The following COL4A6 variants were observed in gnomAD, a reference collection of about 807,000 sequenced individuals.
The protein encoded by COL4A6 is collagen type IV alpha 6 chain, also known as collagen alpha-6(IV) chain.
A neutral mutation model predicts 126.7 loss-of-function variants in COL4A6; 59 were observed. That is an observed-to-expected ratio of 0.47 (90% CI 0.38 to 0.58). COL4A6 has a LOEUF of 0.58. COL4A6 is among the 20% of genes least tolerant of loss of function. The pLI, the probability that COL4A6 is intolerant of heterozygous loss-of-function variation, is 0.00. For synonymous variants in COL4A6, 547 were observed against 496.6 expected (o/e 1.10, Z -1.35); for missense variants, 1,285 against 1,337.3 (o/e 0.96, Z 0.61).
intron 3 of COL4A6, chrX:108,268,330 TA>T (rs1357443799): frequency 8.9e-6 from 1 of 112,655 alleles, no homozygotes; most frequent in Non-Finnish European, 1.9e-5. Context: ...TAATAATGAC[TA>T]ATATTTATTT....
intron 3 of COL4A6, among the ~76,000 whole-genome samples, chrX:108,306,567 C>T (rs901971846): frequency 5.4e-5 from 6 of 111,559 alleles, no homozygotes; most frequent in African/African-American, 1.6e-4. Context: ...ACAGGGAATG[C>T]CAGATGTTTG....
intron 3 of COL4A6, among the ~76,000 whole-genome samples, chrX:108,284,169 T>C (rs149501317): frequency 0.011 from 1,211 of 111,932 alleles, 18 homozygotes; most frequent in African/African-American, 0.036. Flanking sequence ...AGCTGAATTA[T>C]TCTTTTTTAT....
intron 2 of COL4A6, among the ~76,000 whole-genome samples, chrX:108,346,158 C>A (rs376331870): frequency 5.5e-4 from 61 of 111,477 alleles, no homozygotes; most frequent in African/African-American, 1.9e-3. Flanking sequence ...TACTGCCTTC[C>A]CCTTGGAGAA....
At chrX:108,403,076 T>G (rs1603218090) in intron 2 of COL4A6, among the ~76,000 whole-genome samples, 2 of 111,452 alleles carry the variant, frequency 1.8e-5, no homozygotes, top group African/African-American at 6.5e-5. Flanking sequence ...TATTTTCTTC[T>G]TGCATTGCAT....
intron 3 of COL4A6, among the ~76,000 whole-genome samples, chrX:108,279,409 T>A (rs780948380): frequency 3.6e-5 from 4 of 111,425 alleles, no homozygotes; most frequent in African/African-American, 6.5e-5. Context: ...CCATTACATA[T>A]TGGTAAAGGG....
chrX:108,190,505 A>G lies in COL4A6; in HGVS notation c.1322-9T>C, dbSNP rs750766709. On this transcript the variant is annotated splice_polypyrimidine_tract_variant and intron_variant, in intron 19 of 44. Coordinates refer to ENST00000334504, the MANE Select transcript of COL4A6 (RefSeq NM_033641.4). ...AGTCTCAAATTCTGGACCTTTGGGT[A>G]AAAAAAAGATAAAGGATTAGCAACT... The G allele has an allele frequency of 9.1e-7, 1 of 1,096,832 alleles. No homozygotes were observed. The highest frequency in any genetic ancestry group is 1.8e-5 in the African/African-American group (1 of 54,358). The allele number at this position is 1,096,832 out of a possible 1,213,427, so 90.4% of individuals were successfully genotyped here. A position where few individuals can be genotyped will look rare whatever the true frequency, so the allele number is the denominator to read the frequency against.
intron 2 of COL4A6, among the ~76,000 whole-genome samples, chrX:108,400,102 A>G (rs1442412122): frequency 9.0e-6 from 1 of 111,496 alleles, no homozygotes; most frequent in African/African-American, 3.3e-5. Flanking sequence ...AGGTTTGTAG[A>G]GATTATTATT....
At chrX:108,396,131 A>G (rs1320614721) in intron 2 of COL4A6, among the ~76,000 whole-genome samples, 1 of 111,666 alleles carries the variant, frequency 9.0e-6, no homozygotes, top group Admixed American at 9.5e-5. Context: ...AATTATATAG[A>G]ATTATTAATT....
intron 2 of COL4A6, among the ~76,000 whole-genome samples, chrX:108,341,873 T>C (rs901230811): frequency 4.5e-5 from 5 of 112,024 alleles, no homozygotes; most frequent in Non-Finnish European, 1.9e-5. Context: ...TAAAACACAT[T>C]AGATAAGACT....
intron 3 of COL4A6, among the ~76,000 whole-genome samples, chrX:108,300,452 CAA>C (rs1215071457): frequency 9.5e-6 from 1 of 104,718 alleles, no homozygotes; most frequent in East Asian, 3.1e-4. Flanking sequence ...GCAGAAAAAA[CAA>C]AGTTTCCATT....
intron 6 of COL4A6, among the ~76,000 whole-genome samples, chrX:108,212,121 G>T (rs768767208): frequency 1.8e-5 from 2 of 110,988 alleles, no homozygotes; most frequent in African/African-American, 3.3e-5. Flanking sequence ...TAGGACAGAG[G>T]TTAGTAAAAT....
At chrX:108,400,127 G>A (rs891873013) in intron 2 of COL4A6, among the ~76,000 whole-genome samples, 2 of 111,611 alleles carry the variant, frequency 1.8e-5, no homozygotes, top group Non-Finnish European at 3.8e-5. Flanking sequence ...AGGAAAAAAT[G>A]TCTTTAGACA....
At chrX:108,255,028 C>T (rs1419191361) in intron 3 of COL4A6, among the ~76,000 whole-genome samples, 2 of 108,501 alleles carry the variant, frequency 1.8e-5, no homozygotes, top group Admixed American at 1.0e-4. Flanking sequence ...GTGAACTCTG[C>T]CCAAGTTTTG....
intron 2 of COL4A6, among the ~76,000 whole-genome samples, chrX:108,377,941 C>CAAAAAAAAAAAAAAAAAAAAAAAAAAAA (rs745969449): frequency 1.4e-4 from 1 of 7,233 alleles, no homozygotes; most frequent in African/African-American, 3.8e-4. Context: ...GACTCCGTCT[C>CAAAAAAAAAAAAAAAAAAAAAAAAAAAA]AAAAAAAAAA....
At chrX:108,294,138 A>C (rs1363472622) in intron 3 of COL4A6, among the ~76,000 whole-genome samples, 1 of 111,772 alleles carries the variant, frequency 8.9e-6, no homozygotes, top group Non-Finnish European at 1.9e-5. Flanking sequence ...TAGGATTACT[A>C]TTTTCATTTT....
intron 27 of COL4A6, among the ~76,000 whole-genome samples, chrX:108,178,213 G>A (rs1167473335): frequency 1.8e-5 from 2 of 112,422 alleles, no homozygotes; most frequent in Non-Finnish European, 3.8e-5. Context: ...CAAGTGTCAG[G>A]CCCCACTGCT....
At chrX:108,254,904 A>T (rs894106295) in intron 3 of COL4A6, among the ~76,000 whole-genome samples, 8 of 109,319 alleles carry the variant, frequency 7.3e-5, no homozygotes, top group African/African-American at 1.0e-4. Context: ...GTTTGGAGAA[A>T]CCACTAGTGG....
intron 2 of COL4A6, among the ~76,000 whole-genome samples, chrX:108,394,233 C>T (rs79921640): frequency 1.8e-5 from 2 of 109,702 alleles, no homozygotes; most frequent in Admixed American, 9.8e-5. Context: ...GATGAGAGTG[C>T]ATGGACACAG....
intron 12 of COL4A6, 72 bp downstream of exon 12, chrX:108,204,248 A>T: frequency 1.2e-6 from 1 of 801,543 alleles, no homozygotes; most frequent in Non-Finnish European, 1.7e-6. Flanking sequence ...TCTGGTTATT[A>T]GAGTTAAGTT....
Sources: gnomAD v4.1 joint callset for allele counts (sites outside exome capture counted in the v4.1 genomes callset) on GRCh38, gnomAD v4.1.1 for gene constraint, MANE v1.5 for transcripts, NCBI Gene and HGNC (gene_info 2026-07-23, HGNC 2026-07-21) for gene names.